The following OR6N1 variants were observed in gnomAD, a reference collection of about 807,000 sequenced individuals.
OR6N1 encodes the protein olfactory receptor family 6 subfamily N member 1.
For missense variants in OR6N1, 394 were observed against 371.7 expected, an observed-to-expected ratio of 1.06 and a Z score of -0.49; for synonymous variants, 170 against 150.7, an observed-to-expected ratio of 1.13 and a Z score of -0.94.
intron 1 of OR6N1, among the ~76,000 whole-genome samples, chr1:158,769,505 T>A (rs2102009245): frequency 1.3e-5 from 2 of 152,298 alleles, no homozygotes; most frequent in South Asian, 4.1e-4. Flanking sequence ...ACTGTCAGAA[T>A]TTTTTAGATG....
chr1:158,796,013 A>C, the OR6N1 span: 9 of 152,242 alleles, frequency 5.9e-5, no homozygotes, highest in African/African-American at 2.2e-4. Context: ...AAAAAAGTAA[A>C]AGTGTGGTCA....
At chr1:158,786,858 G>T in the OR6N1 span, among the ~76,000 whole-genome samples, 1 of 152,138 alleles carries the variant, frequency 6.6e-6, no homozygotes, top group Non-Finnish European at 1.5e-5. Flanking sequence ...AGGTGAGGAG[G>T]ATGAGAAATA....
chr1:158,777,569 C>A, the OR6N1 span: 5 of 1,614,068 alleles, frequency 3.1e-6, no homozygotes, highest in African/African-American at 1.3e-5. Flanking sequence ...CAGCCCCTGA[C>A]ATAGCCCACA....
At chr1:158,791,711 G>C in the OR6N1 span, among the ~76,000 whole-genome samples, 1 of 151,956 alleles carries the variant, frequency 6.6e-6, no homozygotes, top group African/African-American at 2.4e-5. Flanking sequence ...CTCGTGATTT[G>C]CCTGCCTCGG....
At chr1:158,835,812 T>C in the OR6N1 span, among the ~76,000 whole-genome samples, 11 of 152,072 alleles carry the variant, frequency 7.2e-5, no homozygotes, top group Admixed American at 6.5e-4. Flanking sequence ...ATTCTTCGTT[T>C]ACTGAGTGTT....
chr1:158,813,433 A>T, the OR6N1 span, among the ~76,000 whole-genome samples: 3 of 152,272 alleles, frequency 2.0e-5, no homozygotes, highest in African/African-American at 7.2e-5. Flanking sequence ...AACCACAGAG[A>T]TGTTTACCAA....
chr1:158,829,689 G>A, the OR6N1 span, among the ~76,000 whole-genome samples: 3 of 152,130 alleles, frequency 2.0e-5, no homozygotes, highest in Admixed American at 2.0e-4. Flanking sequence ...CACATTTTCT[G>A]GTATCTTTTC....
the OR6N1 span, among the ~76,000 whole-genome samples, chr1:158,836,151 A>AC: frequency 2.0e-5 from 3 of 151,768 alleles, no homozygotes; most frequent in Non-Finnish European, 4.4e-5. Flanking sequence ...TAAAAAAAAA[A>AC]TGCATCGACA....
chr1:158,783,693 A>G, the OR6N1 span, among the ~76,000 whole-genome samples: 1 of 152,190 alleles, frequency 6.6e-6, no homozygotes. Flanking sequence ...CTTTTCACCA[A>G]TAATTTATAA....
chr1:158,809,766 G>C, the OR6N1 span, among the ~76,000 whole-genome samples: 3 of 152,114 alleles, frequency 2.0e-5, no homozygotes, highest in Non-Finnish European at 4.4e-5. Flanking sequence ...CCCCTCTGAA[G>C]TGTTTAGACT....
At chr1:158,767,024 G>T (rs946528553) in intron 1 of OR6N1, among the ~76,000 whole-genome samples, 1 of 151,782 alleles carries the variant, frequency 6.6e-6, no homozygotes, top group Non-Finnish European at 1.5e-5. Flanking sequence ...CTAATCCAAG[G>T]TATATATTAA....
chr1:158,819,512 C>T, the OR6N1 span, among the ~76,000 whole-genome samples: 16 of 151,908 alleles, frequency 1.1e-4, no homozygotes, highest in African/African-American at 3.4e-4. Flanking sequence ...CATTTTGATA[C>T]CAGGGTAAAA....
Position 158,766,121 on chromosome 1 carries a change from C to CA in OR6N1, c.561_562insT (p.Ala188CysfsTer4). The CA allele has an allele frequency of 6.2e-7, 1 of 1,614,122 alleles. No homozygotes were observed. Reference sequence around the variant, plus strand: ...ACATTTATAGACGTATCAGTGCAAGCCAAACTCAGCACAGGAGGGAAGTCA... The same window carrying CA: ...ACATTTATAGACGTATCAGTGCAAGCACAAACTCAGCACAGGAGGGAAGTCA... On this transcript the variant is annotated frameshift_variant, in exon 2 of 2. Transcript: ENST00000641846. LOFTEE classifies it low-confidence loss of function (END_TRUNC).
the OR6N1 span, among the ~76,000 whole-genome samples, chr1:158,787,635 T>TCACA: frequency 6.2e-3 from 838 of 134,302 alleles, 4 homozygotes; most frequent in African/African-American, 7.3e-3. Flanking sequence ...TCTCTCTCTC[T>TCACA]CACACACACA....
Position 158,766,221 on chromosome 1 carries a change from A to G in OR6N1, c.462T>C (p.Ala154=), listed in dbSNP as rs775774455. ...TCAAGGAAATTTCAACTACTGGCCC[A>G]GCCAAGCCTCCCAACCAACAGCCAA... The part of the protein sequence containing the change: ...IAIGCWLGGL[A]GPVVEISLIS... The change falls in exon 2 of 2, where the codon GCT becomes GCC. Residue 154 remains alanine, a synonymous_variant. Coordinates refer to ENST00000641846, the MANE Select transcript of OR6N1 (RefSeq NM_001005185.2). The G allele has an allele frequency of 7.4e-6, 12 of 1,614,030 alleles. No individual in the cohort carries two copies. Among genetic ancestry groups the G allele is most frequent in the Non-Finnish European group, 1.0e-5 (12 of 1,180,024 alleles).
chr1:158,836,862 C>A, the OR6N1 span, among the ~76,000 whole-genome samples: 1 of 151,462 alleles, frequency 6.6e-6, no homozygotes, highest in South Asian at 2.1e-4. Context: ...TGTAAATTAC[C>A]CTCATCACCA....
chr1:158,799,475 G>C, the OR6N1 span, among the ~76,000 whole-genome samples: 1 of 152,182 alleles, frequency 6.6e-6, no homozygotes, highest in Non-Finnish European at 1.5e-5. Context: ...AAAACCCACA[G>C]TTGTCAGGGA....
Position 158,766,360 on chromosome 1 carries a change from C to A in OR6N1, c.323G>T (p.Gly108Val). 1.9e-6 allele frequency: 3 copies of A among 1,613,932 alleles called. No individual in the cohort carries two copies. Among genetic ancestry groups the A allele is most frequent in the Non-Finnish European group, 2.5e-6 (3 of 1,179,984 alleles). Reference sequence around the variant, plus strand: ...TGTCAGGAGATAGCACTCAGTCGCTCCAAGGGAGTGAAAGAAATAGATCTG... The same window carrying A: ...TGTCAGGAGATAGCACTCAGTCGCTACAAGGGAGTGAAAGAAATAGATCTG... Reference protein sequence around the residue: ...LLQIYFFHSLGATECYLLTAM... With the variant: ...LLQIYFFHSLVATECYLLTAM... Residue 108 changes from glycine to valine, a missense_variant, in exon 2 of 2, where the codon GGA (glycine) becomes GTA (valine). Transcript: ENST00000641846.
the OR6N1 span, among the ~76,000 whole-genome samples, chr1:158,805,151 T>TAC: frequency 6.6e-6 from 1 of 152,250 alleles, no homozygotes. Flanking sequence ...TGTCACTGGA[T>TAC]ACATTGATAG....
Sources: gnomAD v4.1 joint callset for allele counts (sites outside exome capture counted in the v4.1 genomes callset) on GRCh38, gnomAD v4.1.1 for gene constraint, MANE v1.5 for transcripts, NCBI Gene and HGNC (gene_info 2026-07-23, HGNC 2026-07-21) for gene names.